Variants in PTPRT observed in about 807,000 individuals in gnomAD.
The protein encoded by PTPRT is protein tyrosine phosphatase receptor type T, also known as receptor-type tyrosine-protein phosphatase T.
PTPRT carries 56 observed loss-of-function variants against 176.8 expected under a neutral mutation model. The observed-to-expected ratio is 0.32, with a 90% CI of 0.26 to 0.40. The LOEUF (loss-of-function observed/expected upper bound fraction) is 0.40, where lower values mean the gene tolerates loss of function less well. Ranked by LOEUF, PTPRT falls within the 10% of genes least tolerant of loss-of-function variation. The probability of loss-of-function intolerance (pLI) is 1.00; values close to 1 mark genes in which losing one functional copy is unlikely to be tolerated. For missense variants in PTPRT, 1,540 were observed against 1,908.2 expected (o/e 0.81, Z 3.60); for synonymous variants, 783 against 739.0 (o/e 1.06, Z -0.96).
At chr20:42,050,119 T>A in the PTPRT span, among the ~76,000 whole-genome samples, 3 of 152,186 alleles carry the variant, frequency 2.0e-5, no homozygotes, top group Admixed American at 6.5e-5. Flanking sequence ...CACTACCAAT[T>A]TGGGGATCTC....
intron 1 of PTPRT, among the ~76,000 whole-genome samples, chr20:43,138,815 C>T (rs1237261406): frequency 6.6e-6 from 1 of 152,166 alleles, no homozygotes; most frequent in Non-Finnish European, 1.5e-5. Context: ...GACCCTGTTC[C>T]CACATCAAAT....
intron 9 of PTPRT, among the ~76,000 whole-genome samples, chr20:42,396,321 C>T (rs1427712748): frequency 1.3e-5 from 2 of 152,186 alleles, no homozygotes; most frequent in African/African-American, 4.8e-5. Context: ...TACTACTTCT[C>T]ATCACTCCCT....
chr20:42,128,417 T>A (rs556153095), intron 19 of PTPRT, among the ~76,000 whole-genome samples: 3 of 152,144 alleles, frequency 2.0e-5, no homozygotes, highest in South Asian at 4.1e-4. Flanking sequence ...CTAGTATACA[T>A]TTTACAGTAG....
intron 13 of PTPRT, among the ~76,000 whole-genome samples, chr20:42,282,176 C>T (rs1333925927): frequency 1.3e-5 from 2 of 152,062 alleles, no homozygotes; most frequent in African/African-American, 4.8e-5. Flanking sequence ...ATAAGAAAAA[C>T]ATATATCAAA....
chr20:42,295,596 T>C (rs73120068), intron 12 of PTPRT, among the ~76,000 whole-genome samples: 1 of 152,206 alleles, frequency 6.6e-6, no homozygotes, highest in Non-Finnish European at 1.5e-5. Context: ...ATAAATGTTA[T>C]GTTTTCTGTC....
intron 1 of PTPRT, among the ~76,000 whole-genome samples, chr20:43,003,710 C>T (rs1984713048): frequency 1.3e-5 from 2 of 152,198 alleles, no homozygotes; most frequent in South Asian, 2.1e-4. Flanking sequence ...GTTAGAAAGG[C>T]AGACTCTCAA....
chr20:43,131,091 G>A (rs2013633886), intron 1 of PTPRT, among the ~76,000 whole-genome samples: 1 of 152,216 alleles, frequency 6.6e-6, no homozygotes, highest in Non-Finnish European at 1.5e-5. Context: ...ACTGGCTTCT[G>A]TCCTATTGCT....
chr20:42,207,321 G>A (rs1482827963), intron 15 of PTPRT, among the ~76,000 whole-genome samples: 3 of 151,078 alleles, frequency 2.0e-5, no homozygotes, highest in African/African-American at 4.9e-5. Context: ...AGAGAAGAAG[G>A]CTTCAGACGA....
intron 1 of PTPRT, among the ~76,000 whole-genome samples, chr20:43,045,209 A>T (rs1986783291): frequency 6.6e-6 from 1 of 152,338 alleles, no homozygotes; most frequent in African/African-American, 2.4e-5. Flanking sequence ...AGGGTAGAGG[A>T]TTTGGCCCAG....
intron 1 of PTPRT, among the ~76,000 whole-genome samples, chr20:43,154,168 C>A (rs2014448472): frequency 6.6e-6 from 1 of 152,146 alleles, no homozygotes; most frequent in Non-Finnish European, 1.5e-5. Flanking sequence ...ATATTTAAGT[C>A]TTTAATCCAT....
At chr20:42,867,713 A>C in intron 2 of PTPRT, among the ~76,000 whole-genome samples, 1 of 132,618 alleles carries the variant, frequency 7.5e-6, no homozygotes, top group Admixed American at 8.3e-5. Context: ...TGACAGAGTC[A>C]CTCTGTCACC....
chr20:43,027,875 G>A (rs1002951335), intron 1 of PTPRT, among the ~76,000 whole-genome samples: 1 of 152,052 alleles, frequency 6.6e-6, no homozygotes, highest in African/African-American at 2.4e-5. Context: ...ATACCTTCTG[G>A]AATAAATCTC....
intron 1 of PTPRT, among the ~76,000 whole-genome samples, chr20:43,168,207 C>T (rs1477079859): frequency 6.6e-6 from 1 of 152,240 alleles, no homozygotes; most frequent in Non-Finnish European, 1.5e-5. Context: ...AGAACCACTA[C>T]AGTAAACCAG....
chr20:42,343,645 A>G (rs1387159686), intron 11 of PTPRT, among the ~76,000 whole-genome samples: 1 of 152,186 alleles, frequency 6.6e-6, no homozygotes, highest in Non-Finnish European at 1.5e-5. Context: ...ACTCATAGGC[A>G]CTTTCTTTTT....
intron 7 of PTPRT, among the ~76,000 whole-genome samples, chr20:42,661,937 A>ATTGCT (rs2075230213): frequency 6.6e-6 from 1 of 152,214 alleles, no homozygotes; most frequent in Admixed American, 6.5e-5. Flanking sequence ...AGCAATGGAC[A>ATTGCT]GGGTGCCCTT....
intron 7 of PTPRT, among the ~76,000 whole-genome samples, chr20:42,656,504 G>T (rs566023165): frequency 3.9e-5 from 6 of 152,262 alleles, no homozygotes; most frequent in African/African-American, 1.2e-4. Context: ...AATAAAGGCA[G>T]AATGTCAACT....
chr20:42,427,423 T>A (rs1183772147), intron 9 of PTPRT, among the ~76,000 whole-genome samples: 1 of 152,192 alleles, frequency 6.6e-6, no homozygotes, highest in Non-Finnish European at 1.5e-5. Context: ...CAACAGCAAT[T>A]TATTGCTCAC....
intron 7 of PTPRT, among the ~76,000 whole-genome samples, chr20:42,492,616 G>A (rs1323892319): frequency 1.3e-5 from 2 of 152,038 alleles, no homozygotes; most frequent in Non-Finnish European, 2.9e-5. Context: ...ATTCACTTCA[G>A]GATTCCTTTA....
chr20:42,787,477 CTG>C (rs1041851521), intron 3 of PTPRT, among the ~76,000 whole-genome samples: 1 of 152,180 alleles, frequency 6.6e-6, no homozygotes, highest in East Asian at 1.9e-4. Context: ...ACGTGGGTAA[CTG>C]TGAGTCTCCT....
Sources: allele counts gnomAD v4.1 joint callset (sites outside exome capture counted in the v4.1 genomes callset), GRCh38; gene constraint gnomAD v4.1.1; transcripts MANE v1.5; gene names NCBI Gene and HGNC (gene_info 2026-07-23, HGNC 2026-07-21).